The following PIK3CD variants were observed in gnomAD, a reference collection of about 807,000 sequenced individuals.
PIK3CD encodes the protein phosphatidylinositol-4,5-bisphosphate 3-kinase catalytic subunit delta, also known as phosphatidylinositol 4,5-bisphosphate 3-kinase catalytic subunit delta isoform.
PIK3CD carries 20 observed loss-of-function variants against 122.9 expected under a neutral mutation model. The ratio of observed to expected loss-of-function variants is 0.16; its 90% CI spans 0.11 to 0.24. The LOEUF (loss-of-function observed/expected upper bound fraction) is 0.24. Among genes scored for constraint, PIK3CD ranks in the 10% least tolerant of loss-of-function variants. The pLI, the probability that PIK3CD is intolerant of heterozygous loss-of-function variation, is 1.00. For synonymous variants in PIK3CD, 596 were observed against 593.4 expected (o/e 1.00, Z -0.06); for missense variants, 787 against 1,406.3 (o/e 0.56, Z 7.04).
chr1:9,710,649 AG>A lies in PIK3CD; in HGVS notation c.141+54del. 1 of 1,593,216 alleles carries A rather than the reference AG, an allele frequency of 6.3e-7. No homozygotes were observed. The highest frequency in any genetic ancestry group is 8.6e-7 in the Non-Finnish European group (1 of 1,161,948). On this transcript the variant is annotated intron_variant, in intron 3 of 23. Coordinates refer to ENST00000377346, the MANE Select transcript of PIK3CD (RefSeq NM_005026.5). This position sits in a 1 kb window ranked among gnomAD's most constrained non-coding sequence, Gnocchi z 4.7. Reference sequence around the variant, plus strand: ...TTGGTGCTCAGAGAGAGAGAGAGAGAGAGAGACACAGATAGACAGACAGACA... The same window carrying A: ...TTGGTGCTCAGAGAGAGAGAGAGAGAAGAGACACAGATAGACAGACAGACA...
At chr1:9,672,780 A>G (rs1645371444) in intron 1 of PIK3CD, 1 of 152,174 alleles carries the variant, frequency 6.6e-6, no homozygotes, top group Non-Finnish European at 1.5e-5. Context: ...TGGTTGAGTA[A>G]CTGACTTTGG....
chr1:9,691,672 C>T, intron 2 of PIK3CD, 101 bp downstream of exon 2: 1 of 395,052 alleles, frequency 2.5e-6, no homozygotes, highest in Non-Finnish European at 4.5e-6. Context: ...CCCGACTCTC[C>T]AGCCAAAGGA....
chr1:9,694,972 A>G (rs942850091), intron 2 of PIK3CD, among the ~76,000 whole-genome samples: 10 of 150,752 alleles, frequency 6.6e-5, no homozygotes, highest in Non-Finnish European at 1.0e-4. Context: ...AAAAACAAAA[A>G]AGAGAGAGAG....
chr1:9,669,677 C>G, intron 1 of PIK3CD, among the ~76,000 whole-genome samples: 1 of 152,046 alleles, frequency 6.6e-6, no homozygotes, highest in Admixed American at 6.6e-5. Flanking sequence ...CTTCAGGGAG[C>G]CTTAAGGGAG....
In PIK3CD at chr1:9,715,834, C is replaced by T. The variant is rs1225431521; in HGVS notation, c.371-15C>T. 1 of 1,604,984 alleles carries T rather than the reference C, an allele frequency of 6.2e-7. No homozygotes were observed. Among genetic ancestry groups the T allele is most frequent in the East Asian group, 2.2e-5 (1 of 44,806 alleles). ...GCCTGCCCCACCCGCTGACCCAGCC[C>T]TCCCCACCCCGCAGGCCTCCACGAG... On this transcript the variant is annotated splice_polypyrimidine_tract_variant and intron_variant, in intron 4 of 23. Transcript: ENST00000377346. This position sits in a 1 kb window ranked among gnomAD's most constrained non-coding sequence, Gnocchi z 4.1.
In PIK3CD at chr1:9,728,939, C is replaced by G. The variant is rs1371874330; in HGVS notation, c.*1893C>G. The G allele has an allele frequency of 6.6e-6, 1 of 152,104 alleles. No homozygotes were observed. Among genetic ancestry groups the G allele is most frequent in the Non-Finnish European group, 1.5e-5 (1 of 68,014 alleles). 9.4% of individuals were successfully genotyped at this position (152,104 alleles called of 1,614,324 possible). ...AAGAAAGAAAAAGCCTTTTTATGTT[C>G]TTTTATGTTCTCGGCTCAAAAAGAA... On this transcript the variant is annotated 3_prime_UTR_variant, in exon 24 of 24. Transcript: ENST00000377346.
the PIK3CD span, among the ~76,000 whole-genome samples, chr1:9,632,247 G>A: frequency 0.05 from 7,614 of 152,146 alleles, 629 homozygotes; most frequent in African/African-American, 0.17. Flanking sequence ...CCCGACCTCA[G>A]GTGATCTACC....
the PIK3CD span, among the ~76,000 whole-genome samples, chr1:9,634,290 T>G: frequency 1.3e-5 from 2 of 151,782 alleles, no homozygotes; most frequent in African/African-American, 4.8e-5. Flanking sequence ...GCCTCCTGAG[T>G]AGCTGGGATT....
intron 1 of PIK3CD, among the ~76,000 whole-genome samples, chr1:9,683,359 A>AC (rs532429195): frequency 7.4e-4 from 111 of 150,090 alleles, no homozygotes; most frequent in African/African-American, 2.7e-3. Flanking sequence ...AATGGCGTGA[A>AC]CCCGGGAGGC....
chr1:9,675,587 T>C (rs964483763), intron 1 of PIK3CD, among the ~76,000 whole-genome samples: 1 of 151,624 alleles, frequency 6.6e-6, no homozygotes, highest in African/African-American at 2.4e-5. Flanking sequence ...AAGTGCTGGG[T>C]TGGGGGAGGG....
intron 1 of PIK3CD, among the ~76,000 whole-genome samples, chr1:9,682,394 A>T (rs9430641): frequency 6.6e-6 from 1 of 151,574 alleles, no homozygotes; most frequent in Non-Finnish European, 1.5e-5. Context: ...ATGCCACTAC[A>T]CTTGGCTAAT....
At chr1:9,663,161 A>G (rs1217512473) in intron 1 of PIK3CD, among the ~76,000 whole-genome samples, 1 of 152,112 alleles carries the variant, frequency 6.6e-6, no homozygotes, top group African/African-American at 2.4e-5. Flanking sequence ...GAGCATTTGC[A>G]CTTTCCACTG....
rs34885574 is a variant in PIK3CD at position 9,710,632 on chromosome 1, C to CAGAGAG, written c.141+54_141+59dup. The CAGAGAG allele has an allele frequency of 1.3e-3, 1,911 of 1,528,050 alleles. 12 individuals are homozygous for CAGAGAG. The African/African-American group carries it at 0.022, about 17-fold the overall frequency. 94.7% of individuals were successfully genotyped at this position (1,528,050 alleles called of 1,614,324 possible). ...CATCCGGTCCTCAGACCTTGGTGCTCAGAGAGAGAGAGAGAGAGAGAGACA... is the reference window on the plus strand; with the variant it reads ...CATCCGGTCCTCAGACCTTGGTGCTCAGAGAGAGAGAGAGAGAGAGAGAGAGAGACA... On this transcript the variant is annotated intron_variant, in intron 3 of 23. Coordinates refer to ENST00000377346, the MANE Select transcript of PIK3CD (RefSeq NM_005026.5). The surrounding 1 kb of genome is among the most constrained non-coding windows in gnomAD (Gnocchi z 4.7).
In PIK3CD at chr1:9,724,047, T is replaced by C. The variant is rs778223767; in HGVS notation, c.2673T>C (p.Ile891=). 27 of 1,614,040 alleles carry C rather than the reference T, an allele frequency of 1.7e-5. No individual in the cohort carries two copies. Among genetic ancestry groups the C allele is most frequent in the Non-Finnish European group, 2.1e-5 (25 of 1,180,042 alleles). Residue 891 remains isoleucine (I), a synonymous_variant, in exon 21 of 24, where the codon ATT becomes ATC. Transcript: ENST00000377346. This position sits in a 1 kb window ranked among gnomAD's most constrained non-coding sequence, Gnocchi z 7.3. ...GTGTGGCCACATATGTGCTGGGCAT[T>C]GGCGATCGGCACAGCGACAACATCA... is the stretch of plus-strand genomic sequence containing the variant. ...GYCVATYVLG[I]GDRHSDNIMI...
rs558577650 is a variant in PIK3CD at position 9,715,555 on chromosome 1, C to T, written c.156C>T (p.Arg52=). 2.0e-5 allele frequency: 33 copies of T among 1,613,456 alleles called. No individual in the cohort carries two copies. Among genetic ancestry groups the T allele is most frequent in the African/African-American group, 1.6e-4 (12 of 75,068 alleles). The change falls in exon 4 of 24, where the codon CGC becomes CGT. Residue 52 remains arginine (R), a synonymous_variant. Coordinates refer to ENST00000377346, the MANE Select transcript of PIK3CD (RefSeq NM_005026.5). This position sits in a 1 kb window ranked among gnomAD's most constrained non-coding sequence, Gnocchi z 4.1. ...TGTCCCTCCAGCTGCTGTGGCACCG[C>T]GCCCAGTATGAGCCGCTCTTCCACA... ...LSTIKQLLWH[R]AQYEPLFHML... is the part of the protein sequence containing the mutation.
chr1:9,679,257 G>A (rs1292327731), intron 1 of PIK3CD, among the ~76,000 whole-genome samples: 1 of 151,798 alleles, frequency 6.6e-6, no homozygotes, highest in Admixed American at 6.6e-5. Flanking sequence ...TAGTAGAGAC[G>A]GGGTTTCACG....
chr1:9,677,513 C>T (rs563339847), intron 1 of PIK3CD, among the ~76,000 whole-genome samples: 100 of 151,654 alleles, frequency 6.6e-4, no homozygotes, highest in African/African-American at 2.3e-3. Context: ...GGTGTGGTGG[C>T]GTATGTCTGC....
chr1:9,684,913 T>TTC (rs533874471), intron 1 of PIK3CD, among the ~76,000 whole-genome samples: 1 of 151,052 alleles, frequency 6.6e-6, no homozygotes, highest in Admixed American at 6.6e-5. Flanking sequence ...TTTTTTTTTT[T>TTC]CTCTCTCTGC....
At position 9,722,830 on chromosome 1, in the gene PIK3CD, G is replaced by A. The variant is rs1345793715; in HGVS notation, c.2426+224G>A. On this transcript the variant is annotated intron_variant, in intron 19 of 23. Coordinates refer to ENST00000377346, the MANE Select transcript of PIK3CD (RefSeq NM_005026.5). This position sits in a 1 kb window ranked among gnomAD's most constrained non-coding sequence, Gnocchi z 7.6. ...GTGTGTACCCTGCTCTGTTGCTTTA[G>A]TTGCCCAGGTGCCCCTGGCTTCCCC... Among the ~76,000 whole-genome samples the A allele has an allele frequency of 6.6e-6, 1 of 152,122 alleles. No individual in the cohort carries two copies. Among genetic ancestry groups the A allele is most frequent in the Non-Finnish European group, 1.5e-5 (1 of 68,010 alleles).
Sources: gnomAD v4.1 joint callset for allele counts (sites outside exome capture counted in the v4.1 genomes callset) on GRCh38, gnomAD v4.1.1 for gene constraint, Gnocchi (gnomAD v3.1) non-coding constraint, MANE v1.5 for transcripts, NCBI Gene and HGNC (gene_info 2026-07-23, HGNC 2026-07-21) for gene names.